DPP10: variants seen among roughly 807,000 people sequenced by gnomAD.
DPP10 encodes the protein dipeptidyl peptidase like 10.
Under a neutral mutation model 120.9 loss-of-function variants are expected in DPP10, and 33 were observed. The observed-to-expected ratio is 0.27, with a 90% CI of 0.21 to 0.37. DPP10 has a LOEUF of 0.37. Among genes scored for constraint, DPP10 ranks in the 10% least tolerant of loss-of-function variants. DPP10 has a pLI of 1.00. For synonymous variants in DPP10, 337 were observed against 326.1 expected, an observed-to-expected ratio of 1.03 and a Z score of -0.36; for missense variants, 816 against 942.8, an observed-to-expected ratio of 0.87 and a Z score of 1.76.
chr2:114,531,090 C>A (rs1489476531), intron 1 of DPP10, among the ~76,000 whole-genome samples: 1 of 152,108 alleles, frequency 6.6e-6, no homozygotes, highest in Non-Finnish European at 1.5e-5. Flanking sequence ...TTAGATAAGA[C>A]TGTGTTTGCA....
At chr2:115,363,189 A>T (rs751461785) in intron 3 of DPP10, among the ~76,000 whole-genome samples, 1 of 152,104 alleles carries the variant, frequency 6.6e-6, no homozygotes, top group Non-Finnish European at 1.5e-5. Context: ...TTTGAATTTG[A>T]ATGTTCTCTG....
chr2:115,224,319 A>G (rs559468388), intron 1 of DPP10, among the ~76,000 whole-genome samples: 71 of 152,144 alleles, frequency 4.7e-4, no homozygotes, highest in African/African-American at 1.7e-3. Flanking sequence ...AGGTCATATG[A>G]CCATATGGAT....
At chr2:115,709,612 A>G (rs1177321241) in intron 7 of DPP10, among the ~76,000 whole-genome samples, 2 of 71,860 alleles carry the variant, frequency 2.8e-5, no homozygotes, top group Non-Finnish European at 5.8e-5. Flanking sequence ...GAATTTCGAA[A>G]CAGTATTTAA....
At chr2:115,152,245 A>G (rs1205010397) in intron 1 of DPP10, among the ~76,000 whole-genome samples, 1 of 152,226 alleles carries the variant, frequency 6.6e-6, no homozygotes, top group Non-Finnish European at 1.5e-5. Flanking sequence ...CCATGAAGAT[A>G]GTCATAAGCA....
In DPP10 at chr2:115,836,194, C is replaced by T. The variant is rs753068643; in HGVS notation, c.1988C>T (p.Ser663Leu). Residue 663 changes from serine (S) to leucine (L), a missense_variant, in exon 22 of 26, where the codon TCA (serine) becomes TTA (leucine). Ser to Leu is a moderately radical substitution (Grantham distance 145). Around this residue, in one of 3 missense-constraint regions of DPP10, gnomAD observed 592 missense variants for 649.0 expected, o/e 0.91. Transcript: ENST00000410059. Reference sequence around the variant, plus strand: ...TATATTGCATCAATGATCTTAAAATCAGATGAAAAGCTTTTTAAATGTGGA... The same window carrying T: ...TATATTGCATCAATGATCTTAAAATTAGATGAAAAGCTTTTTAAATGTGGA... ...GGYIASMILK[S>L]DEKLFKCGSV... 1.2e-6 allele frequency: 2 copies of T among 1,605,110 alleles called. No homozygotes were observed. The highest frequency in any genetic ancestry group is 2.7e-5 in the African/African-American group (2 of 74,414).
intron 1 of DPP10, among the ~76,000 whole-genome samples, chr2:114,646,510 T>G (rs1440640893): frequency 1.3e-5 from 2 of 152,162 alleles, no homozygotes; most frequent in Non-Finnish European, 2.9e-5. Context: ...CGTCTCCCAG[T>G]TCCTGCAATT....
chr2:115,611,911 T>C (rs1558923790), intron 5 of DPP10, among the ~76,000 whole-genome samples: 2 of 152,106 alleles, frequency 1.3e-5, no homozygotes, highest in Non-Finnish European at 2.9e-5. Flanking sequence ...CAAGTTTGAA[T>C]AGAGAGAGAA....
At chr2:115,167,704 G>C (rs1339673804) in intron 1 of DPP10, among the ~76,000 whole-genome samples, 2 of 151,088 alleles carry the variant, frequency 1.3e-5, no homozygotes, top group Admixed American at 1.3e-4. Flanking sequence ...GCACATATTA[G>C]TATGATTACA....
intron 5 of DPP10, among the ~76,000 whole-genome samples, chr2:115,629,747 G>A (rs2085681727): frequency 6.6e-6 from 1 of 152,134 alleles, no homozygotes; most frequent in South Asian, 2.1e-4. Context: ...CCTCTGCTCT[G>A]TTCCATTGGT....
chr2:114,979,969 T>C (rs189164489), intron 1 of DPP10, among the ~76,000 whole-genome samples: 1 of 152,232 alleles, frequency 6.6e-6, no homozygotes, highest in African/African-American at 2.4e-5. Context: ...TGCAATCGTG[T>C]ATATTCTAAG....
chr2:115,636,395 C>T (rs539820224), intron 5 of DPP10, among the ~76,000 whole-genome samples: 2 of 152,052 alleles, frequency 1.3e-5, no homozygotes, highest in East Asian at 1.9e-4. Context: ...TGAAATGTAA[C>T]GTAGGTTGCA....
In DPP10 at chr2:114,951,980, G is replaced by A. The variant is rs528162788; in HGVS notation, c.61-357259G>A. ...AGAATTCATAAAACATCAAACAAAT[G>A]TTTTGGCTTAACAATAATTATTACA... On this transcript the variant is annotated intron_variant, in intron 1 of 25. Transcript: ENST00000410059. Among the ~76,000 whole-genome samples, 28 of 151,888 alleles carry A rather than the reference G, an allele frequency of 1.8e-4. 1 individual carries two copies. In the East Asian group the frequency reaches 5.4e-3, roughly 29 times the overall value.
At chr2:114,662,550 GA>G (rs1169263512) in intron 1 of DPP10, among the ~76,000 whole-genome samples, 1 of 152,130 alleles carries the variant, frequency 6.6e-6, no homozygotes, top group East Asian at 1.9e-4. Flanking sequence ...CCCAGCCCCG[GA>G]AATGAAGAAA....
intron 1 of DPP10, among the ~76,000 whole-genome samples, chr2:115,222,124 G>T (rs373812798): frequency 6.6e-6 from 1 of 152,248 alleles, no homozygotes; most frequent in Non-Finnish European, 1.5e-5. Context: ...ATTATGAAGC[G>T]TGGTACCACT....
intron 1 of DPP10, among the ~76,000 whole-genome samples, chr2:114,942,926 T>C (rs1175553541): frequency 6.6e-6 from 1 of 152,182 alleles, no homozygotes; most frequent in Non-Finnish European, 1.5e-5. Flanking sequence ...ATGCTTTAAG[T>C]TCTGGAGTAC....
chr2:115,129,842 C>A (rs2104779279), intron 1 of DPP10, among the ~76,000 whole-genome samples: 1 of 152,226 alleles, frequency 6.6e-6, no homozygotes, highest in South Asian at 2.1e-4. Context: ...CGCATTTAAA[C>A]AAAAGTCCTT....
At chr2:114,933,324 G>A (rs1290484846) in intron 1 of DPP10, among the ~76,000 whole-genome samples, 1 of 152,162 alleles carries the variant, frequency 6.6e-6, no homozygotes, top group African/African-American at 2.4e-5. Flanking sequence ...GGCAACATCA[G>A]CCAAGATATG....
intron 1 of DPP10, among the ~76,000 whole-genome samples, chr2:114,802,988 A>T (rs2901147): frequency 0.61 from 93,260 of 151,964 alleles, 28,854 homozygotes; most frequent in East Asian, 0.78. Context: ...ATGAAATGAG[A>T]TGGCTGTGTC....
At chr2:114,927,583 A>G (rs1430300980) in intron 1 of DPP10, among the ~76,000 whole-genome samples, 1 of 152,138 alleles carries the variant, frequency 6.6e-6, no homozygotes, top group Non-Finnish European at 1.5e-5. Flanking sequence ...GGCAATCGGA[A>G]TATGCATCCA....
Sources: allele counts gnomAD v4.1 joint callset (sites outside exome capture counted in the v4.1 genomes callset), GRCh38; gene constraint gnomAD v4.1.1; regional missense constraint gnomAD v4.1.1; transcripts MANE v1.5; gene names NCBI Gene and HGNC (gene_info 2026-07-23, HGNC 2026-07-21).